Variants in FAM177A1 observed in about 807,000 individuals in gnomAD.
FAM177A1 encodes family with sequence similarity 177 member A1.
In FAM177A1, 22 loss-of-function variants were observed where a neutral mutation model predicts 26.1. The ratio of observed to expected loss-of-function variants is 0.84; its 90% CI spans 0.60 to 1.20. The LOEUF (loss-of-function observed/expected upper bound fraction) is 1.20. Among genes scored for constraint, FAM177A1 ranks in the 50% most tolerant of loss-of-function variants. The pLI is 0.00. For synonymous variants in FAM177A1, 95 were observed against 99.3 expected, an observed-to-expected ratio of 0.96 and a Z score of 0.26; for missense variants, 296 against 291.1, an observed-to-expected ratio of 1.02 and a Z score of -0.12.
upstream of FAM177A1, chr14:35,046,181 A>G: frequency 3.5e-6 from 1 of 282,790 alleles, no homozygotes. Flanking sequence ...GGGATCCACG[A>G]GCTCTGGATG....
At chr14:35,073,765 G>A (rs1246158535) in intron 2 of FAM177A1, among the ~76,000 whole-genome samples, 3 of 152,066 alleles carry the variant, frequency 2.0e-5, no homozygotes, top group Admixed American at 6.6e-5. Context: ...ATCATAAACC[G>A]GACTGCATTT....
At chr14:35,057,004 C>T (rs1028506232) in intron 2 of FAM177A1, among the ~76,000 whole-genome samples, 3 of 152,096 alleles carry the variant, frequency 2.0e-5, no homozygotes, top group African/African-American at 7.2e-5. Context: ...TCACGAGAAC[C>T]ACCTTTTGGT....
chr14:35,079,037 T>C lies in FAM177A1; in HGVS notation c.504+13T>C. ...GATGAAGAAGGAGGTATGCCTCCTTTTTACATTTTCTTGATTCAGTTTGGT... is the reference window on the plus strand; with the variant it reads ...GATGAAGAAGGAGGTATGCCTCCTTCTTACATTTTCTTGATTCAGTTTGGT... On this transcript the variant is annotated intron_variant, in intron 4 of 4. Coordinates refer to ENST00000280987, the MANE Select transcript of FAM177A1 (RefSeq NM_173607.5). The C allele has an allele frequency of 1.3e-6, 2 of 1,544,880 alleles. No individual in the cohort carries two copies. The highest frequency in any genetic ancestry group is 2.5e-5 in the South Asian group (2 of 78,732).
chr14:35,063,671 A>G (rs538012746), intron 2 of FAM177A1, among the ~76,000 whole-genome samples: 5 of 152,204 alleles, frequency 3.3e-5, no homozygotes, highest in African/African-American at 4.8e-5. Context: ...ATTTAGTATC[A>G]TTTTAGAGTT....
chr14:35,073,350 G>A (rs1291868687), intron 2 of FAM177A1, among the ~76,000 whole-genome samples: 3 of 152,170 alleles, frequency 2.0e-5, no homozygotes, highest in African/African-American at 2.4e-5. Flanking sequence ...GATTATAGGC[G>A]TAAGCCACCA....
At chr14:35,048,573 A>G (rs1314097804) in intron 1 of FAM177A1, among the ~76,000 whole-genome samples, 2 of 148,826 alleles carry the variant, frequency 1.3e-5, no homozygotes, top group African/African-American at 2.4e-5. Context: ...TATTATATAT[A>G]TTATTAAATA....
intron 1 of FAM177A1, among the ~76,000 whole-genome samples, chr14:35,052,260 T>C (rs987499825): frequency 2.0e-5 from 3 of 151,894 alleles, no homozygotes; most frequent in East Asian, 1.9e-4. Flanking sequence ...TTTTTTTTTT[T>C]CCGAGATGGA....
chr14:35,047,811 A>G (rs62625038), intron 1 of FAM177A1, among the ~76,000 whole-genome samples: 39,287 of 151,930 alleles, frequency 0.26, 5,282 homozygotes, highest in East Asian at 0.37. Context: ...TTGCTCATGT[A>G]TGTAACTCTT....
At chr14:35,063,009 G>A (rs1174575873) in intron 2 of FAM177A1, among the ~76,000 whole-genome samples, 1 of 149,540 alleles carries the variant, frequency 6.7e-6, no homozygotes, top group African/African-American at 2.4e-5. Context: ...GGTCGGGTGC[G>A]GTGGACCACG....
chr14:35,050,319 T>C (rs536793774), intron 1 of FAM177A1: 14 of 152,292 alleles, frequency 9.2e-5, no homozygotes, highest in African/African-American at 3.4e-4. Context: ...ACAGTGTAAA[T>C]TTTATTTGTA....
chr14:35,064,745 G>A lies in FAM177A1; in HGVS notation c.339+11294G>A, dbSNP rs148664213. 3.3e-5 allele frequency among the ~76,000 whole-genome samples: 5 copies of A among 152,092 alleles called. No individual in the cohort carries two copies. The East Asian group carries it at 9.7e-4, about 29-fold the overall frequency. On this transcript the variant is annotated intron_variant, in intron 2 of 4. Transcript: ENST00000280987. ...GACTCACTGCAAGCTCCGCCTCCCA[G>A]GTTCACACCATTCTCCTTGCCTCAG...
chr14:35,065,111 A>G (rs2045221079), intron 2 of FAM177A1, among the ~76,000 whole-genome samples: 4 of 151,964 alleles, frequency 2.6e-5, no homozygotes, highest in African/African-American at 7.2e-5. Context: ...GTAGAATTAC[A>G]TTCATAAAGT....
chr14:35,072,940 G>A (rs9671773), intron 2 of FAM177A1, among the ~76,000 whole-genome samples: 51,547 of 151,986 alleles, frequency 0.34, 8,911 homozygotes, highest in East Asian at 0.41. Context: ...CAACACTTGG[G>A]CACAGTTTTC....
At chr14:35,051,733 C>G (rs781228293) in intron 1 of FAM177A1, among the ~76,000 whole-genome samples, 1 of 152,094 alleles carries the variant, frequency 6.6e-6, no homozygotes, top group Non-Finnish European at 1.5e-5. Context: ...TTTTCATGAT[C>G]TGCAGTTCAA....
intron 2 of FAM177A1, among the ~76,000 whole-genome samples, chr14:35,059,936 ATT>A (rs2045124537): frequency 6.6e-6 from 1 of 152,084 alleles, no homozygotes; most frequent in African/African-American, 2.4e-5. Flanking sequence ...AAGTGCTGGG[ATT>A]ACAGGCGTGA....
chr14:35,070,114 C>CAAAAAAAAAAAAAAAAAAA (rs746133319), intron 2 of FAM177A1, among the ~76,000 whole-genome samples: 2 of 53,826 alleles, frequency 3.7e-5, no homozygotes, highest in South Asian at 7.0e-4. Flanking sequence ...GACTCTGTCT[C>CAAAAAAAAAAAAAAAAAAA]AAAAAAAAAA....
intron 4 of FAM177A1, 107 bp from the exon 5 acceptor site, chr14:35,080,915 T>G (rs12434485): frequency 1.1e-3 from 1,142 of 1,061,732 alleles, no homozygotes; most frequent in Non-Finnish European, 1.3e-3. Context: ...CATGACACTT[T>G]TTTTTTTTTT....
At chr14:35,078,890 T>C in intron 3 of FAM177A1, 37 bp from the exon 4 acceptor site, 1 of 1,417,564 alleles carries the variant, frequency 7.1e-7, no homozygotes, top group South Asian at 1.5e-5. Flanking sequence ...GAAATGTTTA[T>C]AGAATTATAT....
chr14:35,054,144 G>A (rs2045022930), intron 2 of FAM177A1, among the ~76,000 whole-genome samples: 1 of 152,114 alleles, frequency 6.6e-6, no homozygotes, highest in African/African-American at 2.4e-5. Context: ...GAACCCGGGA[G>A]GCAGAGCTTG....
Sources: allele counts gnomAD v4.1 joint callset (sites outside exome capture counted in the v4.1 genomes callset), GRCh38; gene constraint gnomAD v4.1.1; transcripts MANE v1.5; gene names NCBI Gene and HGNC (gene_info 2026-07-23, HGNC 2026-07-21).